Variants in LRRTM4 observed in about 807,000 individuals in gnomAD.
LRRTM4 encodes the protein leucine-rich repeat transmembrane neuronal protein 4.
Under a neutral mutation model 47.6 loss-of-function variants are expected in LRRTM4, and 25 were observed. That is an observed-to-expected ratio of 0.53 (90% confidence interval 0.38 to 0.73). LRRTM4 has a LOEUF of 0.73. Ranked by LOEUF, LRRTM4 falls within the 30% of genes least tolerant of loss-of-function variation. The pLI is 0.00. For synonymous variants in LRRTM4, 311 were observed against 269.5 expected (o/e 1.15, Z -1.51); for missense variants, 638 against 713.4 (o/e 0.89, Z 1.20).
intron 3 of LRRTM4, among the ~76,000 whole-genome samples, chr2:77,227,917 A>G (rs1163808216): frequency 6.6e-6 from 1 of 152,122 alleles, no homozygotes; most frequent in East Asian, 1.9e-4. Flanking sequence ...AAAATGAGAT[A>G]TCATAAGACT....
chr2:76,748,453 T>C lies in LRRTM4; in HGVS notation c.*242A>G, dbSNP rs1672720679. On this transcript the variant is annotated 3_prime_UTR_variant, in exon 4 of 4. Transcript: ENST00000409884. Reference sequence around the variant, plus strand: ...CTCTTACTATTTACATCCGGGAGCATTTTTGTTTGTTTTATGTTTTAAAGC... The same window carrying C: ...CTCTTACTATTTACATCCGGGAGCACTTTTGTTTGTTTTATGTTTTAAAGC... The C allele has an allele frequency of 3.8e-6, 2 of 526,430 alleles. No homozygotes were observed. Among genetic ancestry groups the C allele is most frequent in the South Asian group, 4.7e-5 (2 of 42,280 alleles). The allele number at this position is 526,430 out of a possible 1,614,324, so 32.6% of individuals were successfully genotyped here.
intron 3 of LRRTM4, among the ~76,000 whole-genome samples, chr2:77,022,699 G>A (rs1023754851): frequency 6.6e-6 from 1 of 152,196 alleles, no homozygotes; most frequent in East Asian, 1.9e-4. Context: ...TTGACTGCAG[G>A]TTTCATATCC....
At chr2:77,033,011 G>A (rs920353913) in intron 3 of LRRTM4, among the ~76,000 whole-genome samples, 3 of 151,972 alleles carry the variant, frequency 2.0e-5, no homozygotes, top group Non-Finnish European at 4.4e-5. Context: ...CAGTAGAACA[G>A]CACACAGGGA....
intron 3 of LRRTM4, among the ~76,000 whole-genome samples, chr2:76,775,007 AT>A (rs1281073588): frequency 6.6e-6 from 1 of 152,140 alleles, no homozygotes; most frequent in African/African-American, 2.4e-5. Flanking sequence ...TCTTCTTTTA[AT>A]TCCTCTAGTG....
At chr2:76,866,682 T>G (rs996144649) in intron 3 of LRRTM4, among the ~76,000 whole-genome samples, 2 of 152,172 alleles carry the variant, frequency 1.3e-5, no homozygotes, top group African/African-American at 2.4e-5. Context: ...TAGACTGAAC[T>G]GAAAAACAAG....
rs147595600 is a variant in LRRTM4 at position 76,880,921 on chromosome 2, C to T, written c.1552-132005G>A. Among the ~76,000 whole-genome samples the T allele has an allele frequency of 8.8e-3, 1,335 of 151,982 alleles. 11 individuals carry two copies. The highest frequency in any genetic ancestry group is 0.013 in the Non-Finnish European group (892 of 67,966). On this transcript the variant is annotated intron_variant, in intron 3 of 3. Coordinates refer to ENST00000409884, the MANE Select transcript of LRRTM4 (RefSeq NM_001134745.3). ...TAAAATAATCAGTTTTAAAAGTAGTCGAAGATACAAGAGTCTGGGAAGGGT... is the reference window on the plus strand; with the variant it reads ...TAAAATAATCAGTTTTAAAAGTAGTTGAAGATACAAGAGTCTGGGAAGGGT...
chr2:76,804,648 ATATAG>A (rs1675872628), intron 3 of LRRTM4, among the ~76,000 whole-genome samples: 1 of 147,530 alleles, frequency 6.8e-6, no homozygotes. Flanking sequence ...TATACTATAT[ATATAG>A]TAAATATATA....
intron 3 of LRRTM4, among the ~76,000 whole-genome samples, chr2:76,960,791 A>G (rs1039285814): frequency 6.6e-6 from 1 of 151,550 alleles, no homozygotes; most frequent in Non-Finnish European, 1.5e-5. Flanking sequence ...AGTTGCTTAA[A>G]TATCTGGACT....
At chr2:77,179,793 C>A (rs1275191216) in intron 3 of LRRTM4, among the ~76,000 whole-genome samples, 1 of 152,180 alleles carries the variant, frequency 6.6e-6, no homozygotes, top group East Asian at 1.9e-4. Flanking sequence ...TTAATATAGT[C>A]AAAATTGAAA....
At chr2:76,839,224 G>A (rs1025003641) in intron 3 of LRRTM4, among the ~76,000 whole-genome samples, 1 of 152,096 alleles carries the variant, frequency 6.6e-6, no homozygotes, top group African/African-American at 2.4e-5. Flanking sequence ...GAGTCAATGA[G>A]GTAGAGAGAT....
chr2:77,481,459 A>C (rs2104018834), intron 3 of LRRTM4, among the ~76,000 whole-genome samples: 1 of 152,334 alleles, frequency 6.6e-6, no homozygotes, highest in South Asian at 2.1e-4. Flanking sequence ...GATTAGGGTA[A>C]ATGGATTCTA....
intron 3 of LRRTM4, among the ~76,000 whole-genome samples, chr2:76,805,241 A>G (rs1156624739): frequency 6.6e-6 from 1 of 152,126 alleles, no homozygotes; most frequent in Admixed American, 6.6e-5. Flanking sequence ...ATTGTGTACA[A>G]ACATCCCAAT....
At chr2:76,820,265 C>T (rs1284676840) in intron 3 of LRRTM4, among the ~76,000 whole-genome samples, 1 of 151,788 alleles carries the variant, frequency 6.6e-6, no homozygotes, top group Non-Finnish European at 1.5e-5. Context: ...CTTTATAGTG[C>T]CATTCCTCAG....
intron 3 of LRRTM4, among the ~76,000 whole-genome samples, chr2:77,363,658 C>T (rs1672324942): frequency 6.6e-6 from 1 of 152,136 alleles, no homozygotes; most frequent in South Asian, 2.1e-4. Flanking sequence ...TAGTAAATGA[C>T]TAATGAATGT....
intron 3 of LRRTM4, among the ~76,000 whole-genome samples, chr2:77,488,902 T>C (rs1294997438): frequency 6.6e-6 from 1 of 151,696 alleles, no homozygotes; most frequent in East Asian, 2.0e-4. Context: ...ACACCACATA[T>C]GTATACATGT....
At position 77,519,746 on chromosome 2, in the gene LRRTM4, A is replaced by G. The variant is rs1468123161; in HGVS notation, c.123T>C (p.Asp41=). The change falls in exon 3 of 4, where the codon GAT becomes GAC. Residue 41 remains aspartate (D), a synonymous_variant. Transcript: ENST00000409884. The surrounding 1 kb of genome is among the most constrained non-coding windows in gnomAD (Gnocchi z 4.6). ...QRACPKNCRC[D]GKIVYCESHA... The stretch of plus-strand genomic sequence containing the variant: ...GAGACTCACAGTACACAATTTTGCC[A>G]TCACATCTGCAGTTCTTTGGGCAAG... The G allele has an allele frequency of 2.5e-6, 4 of 1,613,270 alleles. No individual in the cohort carries two copies. The African/African-American group carries it at 4.0e-5, about 16-fold the overall frequency.
At chr2:76,829,547 T>C (rs905544731) in intron 3 of LRRTM4, among the ~76,000 whole-genome samples, 5 of 151,930 alleles carry the variant, frequency 3.3e-5, no homozygotes, top group African/African-American at 1.2e-4. Flanking sequence ...CTTGGATTGG[T>C]TAGGGCTTCC....
At position 77,405,211 on chromosome 2, in the gene LRRTM4, A is replaced by G. The variant is rs556794487; in HGVS notation, c.1551+113107T>C. Reference sequence around the variant, plus strand: ...TCACTCTAATTGCAACCAAATTAATACTATTCATTTTGATTTATGGGCAAA... The same window carrying G: ...TCACTCTAATTGCAACCAAATTAATGCTATTCATTTTGATTTATGGGCAAA... On this transcript the variant is annotated intron_variant, in intron 3 of 3. Coordinates refer to ENST00000409884, the MANE Select transcript of LRRTM4 (RefSeq NM_001134745.3). Among the ~76,000 whole-genome samples, 3 of 152,202 alleles carry G rather than the reference A, an allele frequency of 2.0e-5. No individual in the cohort carries two copies. The Middle Eastern group carries it at 0.01, about 518-fold the overall frequency.
At chr2:77,173,491 C>A (rs1421444629) in intron 3 of LRRTM4, among the ~76,000 whole-genome samples, 1 of 152,116 alleles carries the variant, frequency 6.6e-6, no homozygotes, top group Non-Finnish European at 1.5e-5. Flanking sequence ...AGTTACCTGC[C>A]TGAGCCCTGA....
Sources: allele counts gnomAD v4.1 joint callset (sites outside exome capture counted in the v4.1 genomes callset), GRCh38; gene constraint gnomAD v4.1.1; non-coding constraint Gnocchi (gnomAD v3.1); transcripts MANE v1.5; gene names NCBI Gene and HGNC (gene_info 2026-07-23, HGNC 2026-07-21).